The following ZP2 variants were observed in gnomAD, a reference collection of about 807,000 sequenced individuals.
ZP2 encodes the protein zona pellucida glycoprotein 2.
A neutral mutation model predicts 84.0 loss-of-function variants in ZP2; 51 were observed. The observed-to-expected ratio is 0.61, with a 90% CI of 0.49 to 0.77. The LOEUF is 0.77. Among genes scored for constraint, ZP2 ranks in the 30% least tolerant of loss-of-function variants. The pLI is 0.00. For synonymous variants in ZP2, 375 were observed against 330.9 expected (o/e 1.13, Z -1.45); for missense variants, 909 against 911.9 (o/e 1.00, Z 0.04).
chr16:21,197,545 C>T lies in ZP2; in HGVS notation c.2173G>A (p.Gly725Ser). Residue 725 changes from glycine (G) to serine (S), a missense_variant, in exon 19 of 19, where the codon GGT (glycine) becomes AGT (serine). By Grantham distance (56) the Gly-to-Ser change is moderately conservative. Coordinates refer to ENST00000574091, the MANE Select transcript of ZP2 (RefSeq NM_001376232.1). ...ATGAAGCCTAGAGTTGCCACCACACCTGCAAAGGCAGCCACAGCAGCCACA... is the reference window on the plus strand; with the variant it reads ...ATGAAGCCTAGAGTTGCCACCACACTTGCAAAGGCAGCCACAGCAGCCACA... ...KAVAAVAAFA[G>S]VVATLGFIYY... 1 of 1,614,168 alleles carries T rather than the reference C, an allele frequency of 6.2e-7. No homozygotes were observed. Among genetic ancestry groups the T allele is most frequent in the Non-Finnish European group, 8.5e-7 (1 of 1,180,018 alleles).
chr16:21,211,552 G>A lies in ZP2; in HGVS notation c.-5C>T. 1 of 1,614,060 alleles carries A rather than the reference G, an allele frequency of 6.2e-7. No homozygotes were observed. The highest frequency in any genetic ancestry group is 1.1e-5 in the South Asian group (1 of 91,086). ...TCCTCTCTGCCTGCACGCCATAGCA[G>A]AAGACACTACCAGATCAACCAGGTA... On this transcript the variant is annotated 5_prime_UTR_variant, in exon 1 of 19. Transcript: ENST00000574091.
rs1391295021 is a variant in ZP2, at chr16:21,202,091, T to C, written c.1287+13A>G. On this transcript the variant is annotated intron_variant, in intron 11 of 18. Coordinates refer to ENST00000574091, the MANE Select transcript of ZP2 (RefSeq NM_001376232.1). ...AGATGAGACTTAACCTCGTGCCATC[T>C]GCCAGTACTAACCTTATATCTCGTT... 6.2e-7 allele frequency: 1 copy of C among 1,613,286 alleles called. No individual in the cohort carries two copies. The highest frequency in any genetic ancestry group is 8.5e-7 in the Non-Finnish European group (1 of 1,179,436).
chr16:21,210,271 G>T, intron 2 of ZP2, 79 bp from the exon 3 acceptor site: 1 of 1,105,208 alleles, frequency 9.0e-7, no homozygotes, highest in Non-Finnish European at 1.4e-6. Context: ...ACTCCTCTCA[G>T]ATGGGAGGGA....
At chr16:21,200,436 C>T (rs935044723) in intron 14 of ZP2, among the ~76,000 whole-genome samples, 1 of 152,154 alleles carries the variant, frequency 6.6e-6, no homozygotes, top group Non-Finnish European at 1.5e-5. Flanking sequence ...GAGACCTCGT[C>T]TCAAAAACAA....
At chr16:21,204,489 C>G in intron 7 of ZP2, 85 bp from the exon 8 acceptor site, 2 of 1,074,750 alleles carry the variant, frequency 1.9e-6, no homozygotes, top group Non-Finnish European at 1.4e-6. Context: ...AAGTATATAT[C>G]CAAGTAATGG....
At chr16:21,204,284 G>A (rs760457025) in intron 8 of ZP2, 24 bp downstream of exon 8, 1 of 1,613,784 alleles carries the variant, frequency 6.2e-7, no homozygotes, top group South Asian at 1.1e-5. Context: ...CCCACACTGA[G>A]GTTGCAGCTA....
rs777912488 is a variant in ZP2, at chr16:21,211,562, C to A, written c.-15G>T. 1.2e-6 allele frequency: 2 copies of A among 1,614,084 alleles called. No homozygotes were observed. Among genetic ancestry groups the A allele is most frequent in the Admixed American group, 1.7e-5 (1 of 59,998 alleles). ...CTGCACGCCATAGCAGAAGACACTA[C>A]CAGATCAACCAGGTAGAGGGTAGGC... On this transcript the variant is annotated 5_prime_UTR_variant, in exon 1 of 19. Transcript: ENST00000574091.
chr16:21,211,141 A>G (rs2152856858), intron 2 of ZP2, among the ~76,000 whole-genome samples, 166 bp downstream of exon 2: 1 of 152,244 alleles, frequency 6.6e-6, no homozygotes, highest in South Asian at 2.1e-4. Flanking sequence ...TAGCAGGTAT[A>G]GTGAGTCTAC....
intron 14 of ZP2, among the ~76,000 whole-genome samples, chr16:21,200,433 C>T (rs575061219): frequency 1.3e-5 from 2 of 152,200 alleles, no homozygotes; most frequent in East Asian, 1.9e-4. Context: ...AGTGAGACCT[C>T]GTCTCAAAAA....
At chr16:21,206,788 T>A (rs1458210287) in intron 5 of ZP2, 50 bp downstream of exon 5, 1 of 1,609,958 alleles carries the variant, frequency 6.2e-7, no homozygotes, top group East Asian at 2.2e-5. Flanking sequence ...CATCATCATA[T>A]TCCCCCTGCA....
chr16:21,197,581 CA>C lies in ZP2; in HGVS notation c.2136del (p.Gly713ValfsTer18). On this transcript the variant is annotated frameshift_variant, in exon 19 of 19. Transcript: ENST00000574091. LOFTEE classifies it low-confidence loss of function (END_TRUNC). ...DTKGHKTAGD[V>X]GSKAVAAVAA... The stretch of plus-strand genomic sequence containing the variant: ...GCCACAGCAGCCACAGCTTTGGAAC[CA>C]ACATCTCCAGCAGTCTTGTGCCCTT... The C allele has an allele frequency of 6.2e-7, 1 of 1,614,196 alleles. No homozygotes were observed.
At chr16:21,201,617 C>A (rs2093225744) in intron 13 of ZP2, 59 bp from the exon 14 acceptor site, 1 of 1,607,026 alleles carries the variant, frequency 6.2e-7, no homozygotes, top group Non-Finnish European at 8.5e-7. Context: ...TAGGTCATCA[C>A]TGCTCCATTA....
At chr16:21,209,809 C>T in intron 3 of ZP2, 84 bp from the exon 4 acceptor site, 1 of 1,242,278 alleles carries the variant, frequency 8.0e-7, no homozygotes, top group Admixed American at 1.7e-5. Flanking sequence ...ACCACCAGTC[C>T]ATTTCTAAGG....
chr16:21,210,088 GAGATAAC>G lies in ZP2; in HGVS notation c.235+14_235+20del, dbSNP rs755402017. 30 of 1,602,048 alleles carry G rather than the reference GAGATAAC, an allele frequency of 1.9e-5. 1 individual carries two copies. The Admixed American group carries it at 4.7e-4, about 25-fold the overall frequency. ...GCTGTCTGCTAATCAGGACTATGAG[GAGATAAC>G]ACACGTTACCTACCCACCACAGATG... On this transcript the variant is annotated intron_variant, in intron 3 of 18. Transcript: ENST00000574091.
Position 21,204,851 on chromosome 16 carries a change from A to C in ZP2, c.694-447T>G, listed in dbSNP as rs536898375. Among the ~76,000 whole-genome samples the C allele has an allele frequency of 2.0e-5, 3 of 152,296 alleles. No individual in the cohort carries two copies. In the South Asian group the frequency reaches 6.2e-4, roughly 32 times the overall value. ...TCAGACTATTGGCCTGGAAAGCACC[A>C]ATACTTGCTATAAAACAATATAGGA... On this transcript the variant is annotated intron_variant, in intron 7 of 18. Transcript: ENST00000574091.
chr16:21,209,692 T>A lies in ZP2; in HGVS notation c.269A>T (p.Tyr90Phe), dbSNP rs2093265766. Reference protein sequence around the residue: ...PLGLDMPNCTYILDPEKLTLR... With the variant: ...PLGLDMPNCTFILDPEKLTLR... ...GGTGAGCTTTTCTGGGTCCAGGATG[T>A]AAGTGCAGTTCGGCATGTCGAGACC... Residue 90 changes from tyrosine (Y) to phenylalanine (F), a missense_variant, in exon 4 of 19, where the codon TAC becomes TTC. Transcript: ENST00000574091. The A allele has an allele frequency of 3.1e-6, 5 of 1,614,162 alleles. No homozygotes were observed. The highest frequency in any genetic ancestry group is 4.2e-6 in the Non-Finnish European group (5 of 1,180,012).
At position 21,201,694 on chromosome 16, in the gene ZP2, G is replaced by A. The variant is rs1361010238; in HGVS notation, c.1504+12C>T. 4.3e-6 allele frequency: 7 copies of A among 1,613,896 alleles called. No homozygotes were observed. The highest frequency in any genetic ancestry group is 3.3e-5 in the Admixed American group (2 of 59,992). ...GATCATTTAAGCAATTTCACAGACT[G>A]CAATCTCTTACCTGGGTAGCTTTGC... On this transcript the variant is annotated intron_variant, in intron 13 of 18. Coordinates refer to ENST00000574091, the MANE Select transcript of ZP2 (RefSeq NM_001376232.1).
intron 4 of ZP2, 117 bp from the exon 5 acceptor site, chr16:21,207,107 T>C (rs1286959080): frequency 1.6e-5 from 20 of 1,234,662 alleles, no homozygotes; most frequent in Admixed American, 3.9e-5. Context: ...CCACAAGTGC[T>C]GGAAGGTACC....
intron 17 of ZP2, 117 bp from the exon 18 acceptor site, chr16:21,197,966 T>C: frequency 1.0e-6 from 1 of 953,236 alleles, no homozygotes; most frequent in East Asian, 2.4e-5. Context: ...TAAGGGTATG[T>C]GTTAACAGGC....
Sources: allele counts gnomAD v4.1 joint callset (sites outside exome capture counted in the v4.1 genomes callset), GRCh38; gene constraint gnomAD v4.1.1; transcripts MANE v1.5; gene names NCBI Gene and HGNC (gene_info 2026-07-23, HGNC 2026-07-21).